RNLS: variants seen among roughly 807,000 people sequenced by gnomAD.
The protein encoded by RNLS is renalase.
A neutral mutation model predicts 39.8 loss-of-function variants in RNLS; 39 were observed. The ratio of observed to expected loss-of-function variants is 0.98; its 90% CI spans 0.76 to 1.28. The LOEUF (loss-of-function observed/expected upper bound fraction) is 1.28. Among genes scored for constraint, RNLS ranks in the 50% most tolerant of loss-of-function variants. The pLI is 0.00. For missense variants in RNLS, 410 were observed against 413.3 expected (o/e 0.99, Z 0.07); for synonymous variants, 147 against 150.7 (o/e 0.98, Z 0.18).
intron 6 of RNLS, among the ~76,000 whole-genome samples, chr10:88,288,044 G>A (rs1843402513): frequency 6.6e-6 from 1 of 152,132 alleles, no homozygotes; most frequent in South Asian, 2.1e-4. Context: ...TAGGAGCTGA[G>A]GGCATCAGTT....
chr10:88,523,255 A>G (rs953558276), intron 4 of RNLS, among the ~76,000 whole-genome samples: 3 of 152,050 alleles, frequency 2.0e-5, no homozygotes, highest in African/African-American at 7.2e-5. Flanking sequence ...AAATAATGCT[A>G]TTGGTTAGCT....
At position 88,449,063 on chromosome 10, in the gene RNLS, A is replaced by G. The variant is rs145387263; in HGVS notation, c.527-86338T>C. On this transcript the variant is annotated intron_variant, in intron 4 of 6. Coordinates refer to ENST00000331772, the MANE Select transcript of RNLS (RefSeq NM_001031709.3). The stretch of plus-strand genomic sequence containing the variant: ...TACCTAATGTAAATGAAGAGTTAAT[A>G]GGTGCAGCACACCAACGTGGCACAT... Among the ~76,000 whole-genome samples the G allele has an allele frequency of 8.1e-4, 123 of 152,326 alleles. 1 individual carries two copies. The highest frequency in any genetic ancestry group is 2.6e-3 in the African/African-American group (108 of 41,574).
At chr10:88,462,054 A>G (rs1254524194) in intron 4 of RNLS, among the ~76,000 whole-genome samples, 1 of 152,054 alleles carries the variant, frequency 6.6e-6, no homozygotes, top group Non-Finnish European at 1.5e-5. Context: ...GTTGCCCTAT[A>G]AATTAAGTAT....
intron 4 of RNLS, among the ~76,000 whole-genome samples, chr10:88,392,724 T>C (rs1037956692): frequency 6.6e-6 from 1 of 152,186 alleles, no homozygotes; most frequent in African/African-American, 2.4e-5. Flanking sequence ...TTTTAAAATG[T>C]AGTTTCAACA....
At chr10:88,551,499 G>A (rs1455899095) in intron 4 of RNLS, among the ~76,000 whole-genome samples, 1 of 152,126 alleles carries the variant, frequency 6.6e-6, no homozygotes, top group Non-Finnish European at 1.5e-5. Flanking sequence ...TTTTTAACTT[G>A]TTAATGACAT....
At chr10:88,205,191 GGGT>G in the RNLS span, among the ~76,000 whole-genome samples, 1 of 152,078 alleles carries the variant, frequency 6.6e-6, no homozygotes, top group Non-Finnish European at 1.5e-5. Flanking sequence ...CAAAACGCAA[GGGT>G]CATGCTCTCC....
chr10:88,209,567 C>T, the RNLS span, among the ~76,000 whole-genome samples: 1 of 152,170 alleles, frequency 6.6e-6, no homozygotes, highest in Non-Finnish European at 1.5e-5. Context: ...TACTAACTTC[C>T]AGAATTGTGA....
At chr10:88,195,492 T>C in the RNLS span, among the ~76,000 whole-genome samples, 83 of 152,114 alleles carry the variant, frequency 5.5e-4, no homozygotes, top group Non-Finnish European at 1.0e-3. Flanking sequence ...TGTAACTACT[T>C]GCTGAATGGA....
chr10:88,315,544 G>A (rs186582122), intron 5 of RNLS, among the ~76,000 whole-genome samples: 2 of 152,156 alleles, frequency 1.3e-5, no homozygotes, highest in African/African-American at 4.8e-5. Context: ...CCCCTCCTGA[G>A]AGAAGAGAAT....
chr10:88,266,885 G>A, the RNLS span, among the ~76,000 whole-genome samples: 1 of 152,102 alleles, frequency 6.6e-6, no homozygotes, highest in African/African-American at 2.4e-5. Flanking sequence ...TGCTATCAGA[G>A]CACAAAAGCT....
chr10:88,345,593 T>A (rs760450319), intron 5 of RNLS, among the ~76,000 whole-genome samples: 2 of 152,166 alleles, frequency 1.3e-5, no homozygotes, highest in Admixed American at 6.6e-5. Context: ...ACCAAAACCA[T>A]AAAATAATTT....
At chr10:88,334,267 CTTATT>C (rs1279145774) in intron 5 of RNLS, among the ~76,000 whole-genome samples, 7 of 151,262 alleles carry the variant, frequency 4.6e-5, no homozygotes, top group African/African-American at 1.7e-4. Flanking sequence ...TAAAACATAT[CTTATT>C]TTATTTTTAG....
intron 4 of RNLS, among the ~76,000 whole-genome samples, chr10:88,508,262 T>C (rs1032706001): frequency 3.3e-5 from 5 of 152,134 alleles, no homozygotes; most frequent in African/African-American, 9.7e-5. Context: ...TCTATGCAAA[T>C]AGACAGATCT....
the RNLS span, among the ~76,000 whole-genome samples, chr10:88,253,379 G>A: frequency 3.3e-5 from 5 of 152,210 alleles, no homozygotes; most frequent in African/African-American, 9.7e-5. Context: ...AAGATGCAGT[G>A]TGCCAAAGAT....
chr10:88,176,918 C>T, the RNLS span, among the ~76,000 whole-genome samples: 1 of 152,192 alleles, frequency 6.6e-6, no homozygotes, highest in African/African-American at 2.4e-5. Context: ...TATATCATTT[C>T]ATTCTTTCCT....
At chr10:88,315,902 T>C (rs1845728551) in intron 5 of RNLS, among the ~76,000 whole-genome samples, 1 of 152,008 alleles carries the variant, frequency 6.6e-6, no homozygotes, top group Non-Finnish European at 1.5e-5. Context: ...TTAATAAATC[T>C]AAGCTATGGG....
chr10:88,259,228 G>T, the RNLS span: 2 of 152,326 alleles, frequency 1.3e-5, no homozygotes, highest in East Asian at 3.9e-4. Flanking sequence ...AGACAAAAGA[G>T]GGAGGAGTTT....
At chr10:88,198,244 A>T in the RNLS span, among the ~76,000 whole-genome samples, 2 of 152,358 alleles carry the variant, frequency 1.3e-5, no homozygotes, top group East Asian at 3.9e-4. Flanking sequence ...ACCAACGTGT[A>T]GAGACCTGAT....
intron 4 of RNLS, among the ~76,000 whole-genome samples, chr10:88,435,441 C>G (rs563618594): frequency 1.4e-4 from 21 of 147,566 alleles, no homozygotes; most frequent in Non-Finnish European, 2.9e-4. Context: ...GGGGGTAAAC[C>G]AAAAACATTA....
Sources: gnomAD v4.1 joint callset for allele counts (sites outside exome capture counted in the v4.1 genomes callset) on GRCh38, gnomAD v4.1.1 for gene constraint, MANE v1.5 for transcripts, NCBI Gene and HGNC (gene_info 2026-07-23, HGNC 2026-07-21) for gene names.